Variants in SNX30 observed in about 807,000 individuals in gnomAD.
The protein encoded by SNX30 is sorting nexin family member 30.
Under a neutral mutation model 46.4 loss-of-function variants are expected in SNX30, and 24 were observed. The observed-to-expected ratio is 0.52, with a 90% CI of 0.37 to 0.73. SNX30 has a LOEUF of 0.73. SNX30 is among the 30% of genes least tolerant of loss of function. SNX30 has a pLI of 0.00. For synonymous variants in SNX30, 189 were observed against 211.5 expected (o/e 0.89, Z 0.92); for missense variants, 533 against 555.7 (o/e 0.96, Z 0.41).
intron 8 of SNX30, chr9:112,866,622 A>C: frequency 2.2e-6 from 1 of 453,644 alleles, no homozygotes; most frequent in South Asian, 1.6e-5. Context: ...AGGAGGAATC[A>C]GGAAGCAATT....
At chr9:112,791,399 CT>C (rs386415930) in intron 1 of SNX30, among the ~76,000 whole-genome samples, 85 of 67,450 alleles carry the variant, frequency 1.3e-3, no homozygotes, top group African/African-American at 3.9e-3. Flanking sequence ...TATTTAGGAA[CT>C]TTTTTTTTTT....
At chr9:112,865,661 A>ATGTGTGTGTGTGTGTGTGTGTG (rs1277699270) in intron 8 of SNX30, among the ~76,000 whole-genome samples, 2 of 105,702 alleles carry the variant, frequency 1.9e-5, no homozygotes, top group Non-Finnish European at 3.8e-5. Flanking sequence ...ATATATATAT[A>ATGTGTGTGTGTGTGTGTGTGTG]TGTATGTATG....
upstream of SNX30, chr9:112,750,342 CG>C (rs1839243563): frequency 6.6e-6 from 1 of 152,220 alleles, no homozygotes; most frequent in African/African-American, 2.4e-5. Flanking sequence ...CGATATGGGT[CG>C]TAATTCCGTC....
At chr9:112,880,552 TCAC>T in intron 5 of SNX30, 1 of 153,890 alleles carries the variant, frequency 6.5e-6, no homozygotes, top group East Asian at 1.9e-4. Context: ...CACTAGCTCA[TCAC>T]CCATCCAGAC....
At position 112,836,227 on chromosome 9, in the gene SNX30, A is replaced by T. The variant is rs756728971; in HGVS notation, c.632A>T (p.Tyr211Phe). The change falls in exon 5 of 9, where the codon TAC becomes TTC. Residue 211 changes from tyrosine (Y) to phenylalanine (F), a missense_variant. By Grantham distance (22) the Tyr-to-Phe change is conservative (BLOSUM62 3). Coordinates refer to ENST00000374232, the MANE Select transcript of SNX30 (RefSeq NM_001012994.2). ...IFLTAKDLNA[Y>F]KKQGIALLTR... Reference sequence around the variant, plus strand: ...TATCATCCTCAGGACCTGAACGCCTACAAGAAGCAAGGGATAGCATTGCTG... The same window carrying T: ...TATCATCCTCAGGACCTGAACGCCTTCAAGAAGCAAGGGATAGCATTGCTG... The T allele has an allele frequency of 2.5e-6, 4 of 1,593,710 alleles. No individual in the cohort carries two copies. The highest frequency in any genetic ancestry group is 1.7e-6 in the Non-Finnish European group (2 of 1,162,828).
intron 4 of SNX30, among the ~76,000 whole-genome samples, chr9:112,835,472 AT>A (rs34706176): frequency 0.13 from 17,957 of 141,586 alleles, 993 homozygotes; most frequent in East Asian, 0.18. Flanking sequence ...TGCCCAACTA[AT>A]TTTTTTTTTT....
chr9:112,840,143 C>T (rs560776043), intron 6 of SNX30, among the ~76,000 whole-genome samples: 1 of 152,292 alleles, frequency 6.6e-6, no homozygotes, highest in Non-Finnish European at 1.5e-5. Flanking sequence ...AAACACTTTC[C>T]AAGCCAGGAT....
chr9:112,751,018 C>A lies in SNX30; in HGVS notation c.17C>A (p.Pro6His), dbSNP rs1372091058. The A allele has an allele frequency of 4.3e-6, 6 of 1,391,778 alleles. No individual in the cohort carries two copies. Among genetic ancestry groups the A allele is most frequent in the Non-Finnish European group, 5.6e-6 (6 of 1,070,722 alleles). The allele number at this position is 1,391,778 out of a possible 1,614,324, so 86.2% of individuals were successfully genotyped here. The change falls in exon 1 of 9, where the codon CCC becomes CAC. Residue 6 changes from proline (P) to histidine (H), a missense_variant. This residue lies in a region of SNX30 where 191 missense variants were observed against 160.3 expected (regional missense o/e 1.19). Transcript: ENST00000374232. ...GTGCGCGCCATGGCGGGCGGGCCCC[C>A]CAAGGCCCTGCCGTCCACGGGGCCC... is the stretch of plus-strand genomic sequence containing the variant. Reference protein sequence around the residue: MAGGPPKALPSTGPHS... With the variant: MAGGPHKALPSTGPHS...
chr9:112,769,289 C>G (rs1359462348), intron 1 of SNX30, among the ~76,000 whole-genome samples: 1 of 152,216 alleles, frequency 6.6e-6, no homozygotes, highest in Non-Finnish European at 1.5e-5. Context: ...TCGTTTCTGT[C>G]TTTTGATCCT....
rs926321312 is a variant in SNX30, at chr9:112,873,284, C to T, written c.*4441C>T. ...ATAAGATATTTGTCTCCTATATAAA[C>T]ATTCTGTGTATTTAGCACTTGAAAA... On this transcript the variant is annotated 3_prime_UTR_variant, in exon 9 of 9. Coordinates refer to ENST00000374232, the MANE Select transcript of SNX30 (RefSeq NM_001012994.2). The T allele has an allele frequency of 2.0e-5, 3 of 152,108 alleles. No homozygotes were observed. The highest frequency in any genetic ancestry group is 7.2e-5 in the African/African-American group (3 of 41,408). 9.4% of individuals were successfully genotyped at this position (152,108 alleles called of 1,614,324 possible).
intron 1 of SNX30, among the ~76,000 whole-genome samples, chr9:112,796,148 T>C (rs921745662): frequency 6.6e-6 from 1 of 152,346 alleles, no homozygotes; most frequent in South Asian, 2.1e-4. Context: ...CCAGGCCAGA[T>C]TGTGGGAAAC....
At chr9:112,841,780 C>T (rs1238012397) in intron 6 of SNX30, among the ~76,000 whole-genome samples, 1 of 152,202 alleles carries the variant, frequency 6.6e-6, no homozygotes, top group Non-Finnish European at 1.5e-5. Flanking sequence ...TTTCACATTG[C>T]TGCTCTGTAA....
chr9:112,818,828 G>T (rs184221727), intron 3 of SNX30, among the ~76,000 whole-genome samples: 1 of 152,144 alleles, frequency 6.6e-6, no homozygotes, highest in Non-Finnish European at 1.5e-5. Flanking sequence ...AAAGAGCCAC[G>T]TTGCCAGTAC....
intron 3 of SNX30, among the ~76,000 whole-genome samples, chr9:112,826,646 G>A (rs890502822): frequency 1.3e-5 from 2 of 152,168 alleles, no homozygotes; most frequent in Non-Finnish European, 2.9e-5. Context: ...AAGGAATGGA[G>A]GTGAGGGTGA....
downstream of SNX30, among the ~76,000 whole-genome samples, chr9:112,876,728 GGAGTTC>G (rs1841521334): frequency 1.3e-5 from 2 of 152,056 alleles, no homozygotes; most frequent in South Asian, 4.2e-4. Context: ...TTTGAAGCCA[GGAGTTC>G]GAGACCGGCC....
intron 1 of SNX30, among the ~76,000 whole-genome samples, chr9:112,761,601 TA>T (rs1231123166): frequency 2.0e-5 from 3 of 152,278 alleles, no homozygotes; most frequent in African/African-American, 7.2e-5. Context: ...TTAGAAAATA[TA>T]AAGATGACAG....
At chr9:112,854,921 C>T (rs547173951) in intron 7 of SNX30, among the ~76,000 whole-genome samples, 94 of 152,364 alleles carry the variant, frequency 6.2e-4, no homozygotes, top group African/African-American at 2.1e-3. Context: ...ACAGATGCTC[C>T]GTTGGAGGAG....
chr9:112,830,935 C>G (rs762975241), intron 4 of SNX30, 52 bp downstream of exon 4: 1 of 1,530,734 alleles, frequency 6.5e-7, no homozygotes, highest in Non-Finnish European at 8.8e-7. Context: ...TCTTGGGGCT[C>G]TTTCCTAAAA....
chr9:112,855,567 C>T (rs918812455), intron 7 of SNX30, among the ~76,000 whole-genome samples: 18 of 152,098 alleles, frequency 1.2e-4, no homozygotes, highest in Non-Finnish European at 8.8e-5. Flanking sequence ...TGAATTTCAA[C>T]GTGGGGTGAT....
Sources: gnomAD v4.1 joint callset for allele counts (sites outside exome capture counted in the v4.1 genomes callset) on GRCh38, gnomAD v4.1.1 for gene constraint, gnomAD v4.1.1 regional missense constraint, MANE v1.5 for transcripts, NCBI Gene and HGNC (gene_info 2026-07-23, HGNC 2026-07-21) for gene names.